Variants in TAF6 observed in about 807,000 individuals in gnomAD.
TAF6 encodes TATA-box binding protein associated factor 6.
TAF6 carries 50 observed loss-of-function variants against 73.5 expected under a neutral mutation model. That is an observed-to-expected ratio of 0.68 (90% CI 0.54 to 0.86). The LOEUF is 0.86. Ranked by LOEUF, TAF6 falls within the 40% of genes least tolerant of loss-of-function variation. TAF6 has a pLI of 0.00. For synonymous variants in TAF6, 424 were observed against 376.7 expected (o/e 1.13, Z -1.45); for missense variants, 768 against 899.5 (o/e 0.85, Z 1.87).
intron 1 of TAF6, among the ~76,000 whole-genome samples, chr7:100,114,717 A>G (rs1332780995): frequency 1.3e-5 from 2 of 151,758 alleles, no homozygotes; most frequent in African/African-American, 4.8e-5. Flanking sequence ...CTCAGGAAAA[A>G]AAAAAAAAAA....
chr7:100,114,630 G>GA, intron 1 of TAF6: 1 of 427,894 alleles, frequency 2.3e-6, no homozygotes, highest in South Asian at 3.2e-5. Flanking sequence ...TAAGGCACGA[G>GA]AATCACTTGA....
At chr7:100,108,159 T>C in intron 13 of TAF6, 36 bp from the exon 14 acceptor site, 1 of 1,561,798 alleles carries the variant, frequency 6.4e-7, no homozygotes, top group Non-Finnish European at 8.6e-7. Context: ...AGTGGCACCA[T>C]CTACTAAGAA....
chr7:100,118,162 G>A (rs1319620263), intron 1 of TAF6, among the ~76,000 whole-genome samples: 1 of 152,024 alleles, frequency 6.6e-6, no homozygotes, highest in Non-Finnish European at 1.5e-5. Context: ...GACCACCCTG[G>A]CCAACATGGT....
chr7:100,124,316 GAGTTTA>G (rs1798156551), upstream of TAF6: 2 of 546,248 alleles, frequency 3.7e-6, no homozygotes, highest in Non-Finnish European at 6.6e-6. Flanking sequence ...TGAGACTCAA[GAGTTTA>G]ATAATCTACT....
chr7:100,117,267 CTTTT>C (rs1181165298), intron 1 of TAF6, among the ~76,000 whole-genome samples: 6 of 105,054 alleles, frequency 5.7e-5, no homozygotes, highest in Admixed American at 5.1e-4. Flanking sequence ...AGACAGGGCT[CTTTT>C]TTTTTTTTTT....
chr7:100,111,315 C>G lies in TAF6; in HGVS notation c.907G>C (p.Glu303Gln). The G allele has an allele frequency of 6.2e-7, 1 of 1,613,132 alleles. No homozygotes were observed. The highest frequency in any genetic ancestry group is 8.5e-7 in the Non-Finnish European group (1 of 1,179,216). The change falls in exon 10 of 15, where the codon GAG becomes CAG. Residue 303 changes from glutamate (E) to glutamine (Q), a missense_variant. Physicochemically the swap from Glu to Gln is conservative, Grantham distance 29. Coordinates refer to ENST00000453269, the MANE Select transcript of TAF6 (RefSeq NM_139315.3). ...CAGGTCATCACAGCTGGAATCAGCT[C>G]ATGGACCTAAGGGAGAAAGGGCGGG... The part of the protein sequence containing the change: ...PTLYLEKYVH[E>Q]LIPAVMTCIV...
At chr7:100,121,038 C>CTTCATCACACTCCTATGAGGGACAT, upstream of TAF6, 1 of 119,720 alleles carries the variant, frequency 8.4e-6, no homozygotes, top group Non-Finnish European at 1.7e-5. Context: ...TTTATTTAAT[C>CTTCATCACACTCCTATGAGGGACAT]TTCATCACAC....
At chr7:100,112,579 G>A (rs1202537429) in intron 6 of TAF6, among the ~76,000 whole-genome samples, 3 of 152,292 alleles carry the variant, frequency 2.0e-5, no homozygotes, top group African/African-American at 7.2e-5. Flanking sequence ...GCCGGGCGTG[G>A]TGGTGGGCAC....
chr7:100,122,969 C>T (rs1349588043), upstream of TAF6: 1 of 1,542,104 alleles, frequency 6.5e-7, no homozygotes, highest in Non-Finnish European at 8.8e-7. Flanking sequence ...GAGCTAGGTT[C>T]TAGGGTTTGA....
chr7:100,113,268 G>C (rs1797363265), intron 5 of TAF6, 81 bp downstream of exon 5: 3 of 1,334,528 alleles, frequency 2.2e-6, no homozygotes, highest in Non-Finnish European at 3.1e-6. Context: ...AGGCAACAGA[G>C]TGAGACTCTG....
chr7:100,108,142 A>G lies in TAF6; in HGVS notation c.1459-19T>C, dbSNP rs1205200117. Reference sequence around the variant, plus strand: ...GCCGGGGCTGCGGGGAGAAGAGGAAAGGGGGAAGTGGCACCATCTACTAAG... The same window carrying G: ...GCCGGGGCTGCGGGGAGAAGAGGAAGGGGGGAAGTGGCACCATCTACTAAG... On this transcript the variant is annotated intron_variant, in intron 13 of 14. Coordinates refer to ENST00000453269, the MANE Select transcript of TAF6 (RefSeq NM_139315.3). The G allele has an allele frequency of 6.3e-6, 10 of 1,579,424 alleles. No individual in the cohort carries two copies. Among genetic ancestry groups the G allele is most frequent in the Non-Finnish European group, 8.6e-6 (10 of 1,167,086 alleles).
chr7:100,117,294 A>G (rs1214758110), intron 1 of TAF6, among the ~76,000 whole-genome samples: 7 of 113,728 alleles, frequency 6.2e-5, no homozygotes, highest in Non-Finnish European at 1.0e-4. Context: ...TTTTTGAGCT[A>G]GAGTTTCACT....
upstream of TAF6, among the ~76,000 whole-genome samples, chr7:100,123,464 T>TA (rs1231987083): frequency 7.2e-5 from 11 of 152,112 alleles, no homozygotes; most frequent in African/African-American, 2.7e-4. Flanking sequence ...AGACCAGAGT[T>TA]AGAGACCAGC....
At position 100,107,977 on chromosome 7, in the gene TAF6, TGGA is replaced by T. The variant is rs1476082930; in HGVS notation, c.1602_1604del (p.Pro535del). The T allele has an allele frequency of 1.9e-6, 3 of 1,613,870 alleles. No individual in the cohort carries two copies. Among genetic ancestry groups the T allele is most frequent in the Admixed American group, 3.3e-5 (2 of 59,994 alleles). On this transcript the variant is annotated inframe_deletion, in exon 14 of 15. Transcript: ENST00000453269. ...ACGATGACATTACAATAAACTTGGT[TGGA>T]GGAGGGGAAGGCTGTGGTGGGGCAG...
At chr7:100,124,570 T>C (rs151184122), upstream of TAF6, 4 of 1,612,998 alleles carry the variant, frequency 2.5e-6, no homozygotes, top group Non-Finnish European at 3.4e-6. Context: ...ACTTCCACCA[T>C]CAGGAGCAGC....
chr7:100,119,099 C>A (rs906575261), intron 1 of TAF6, 105 bp downstream of exon 1: 68 of 986,358 alleles, frequency 6.9e-5, no homozygotes, highest in Non-Finnish European at 7.8e-5. Context: ...CGAAGATCCC[C>A]GGGCAGCGCG....
In TAF6 at chr7:100,112,791, G is replaced by A. The variant is rs1387143689; in HGVS notation, c.574+7C>T. 6.8e-6 allele frequency: 11 copies of A among 1,611,206 alleles called. No individual in the cohort carries two copies. The highest frequency in any genetic ancestry group is 6.7e-5 in the East Asian group (3 of 44,756). On this transcript the variant is annotated splice_region_variant and intron_variant, in intron 6 of 14. Coordinates refer to ENST00000453269, the MANE Select transcript of TAF6 (RefSeq NM_139315.3). Reference sequence around the variant, plus strand: ...AGTCCAGAGAGGCCTAGCCTAGGAGGACTGACCTTTGCCGTCGGCTGTGGT... The same window carrying A: ...AGTCCAGAGAGGCCTAGCCTAGGAGAACTGACCTTTGCCGTCGGCTGTGGT...
Position 100,113,387 on chromosome 7 carries a change from T to C in TAF6, c.416A>G (p.Glu139Gly). The change falls in exon 5 of 15, where the codon GAG becomes GGG. Residue 139 changes from glutamate to glycine, a missense_variant. Around this residue, in one of 5 missense-constraint regions of TAF6, gnomAD observed 269 missense variants for 268.0 expected, o/e 1.00. Transcript: ENST00000453269. Reference sequence around the variant, plus strand: ...CTCGGGGATAGCTGGCTGGCAGCCCTCGATGCTCAGCCAATGAGCTGCAAG... The same window carrying C: ...CTCGGGGATAGCTGGCTGGCAGCCCCCGATGCTCAGCCAATGAGCTGCAAG... ...VCLKAHWLSI[E>G]GCQPAIPENP... 1 of 1,595,260 alleles carries C rather than the reference T, an allele frequency of 6.3e-7. No individual in the cohort carries two copies. The highest frequency in any genetic ancestry group is 8.5e-7 in the Non-Finnish European group (1 of 1,170,402).
Position 100,114,193 on chromosome 7 carries a change from T to G in TAF6, c.17A>C (p.Lys6Thr). 1 of 1,614,198 alleles carries G rather than the reference T, an allele frequency of 6.2e-7. No homozygotes were observed. The highest frequency in any genetic ancestry group is 8.5e-7 in the Non-Finnish European group (1 of 1,180,050). The change falls in exon 2 of 15, where the codon AAG (lysine) becomes ACG (threonine). Residue 6 changes from lysine (K) to threonine (T), a missense_variant. Lys to Thr is a moderately conservative substitution (Grantham distance 78). Transcript: ENST00000453269. ...CAGCACAGTGTTGCTAAGCTTCAGC[T>G]TCTTCTCCTCAGCCATTCTGGAGTC... MAEEK[K>T]LKLSNTVLPS... is the part of the protein sequence containing the mutation.
Sources: gnomAD v4.1 joint callset for allele counts (sites outside exome capture counted in the v4.1 genomes callset) on GRCh38, gnomAD v4.1.1 for gene constraint, gnomAD v4.1.1 regional missense constraint, MANE v1.5 for transcripts, NCBI Gene and HGNC (gene_info 2026-07-23, HGNC 2026-07-21) for gene names.